The following NUDT13 variants were observed in gnomAD, a reference collection of about 807,000 sequenced individuals.
NUDT13 encodes the protein NAD(P)H pyrophosphatase NUDT13, mitochondrial.
Under a neutral mutation model 41.7 loss-of-function variants are expected in NUDT13, and 40 were observed. The observed-to-expected ratio is 0.96, with a 90% CI of 0.75 to 1.25. The LOEUF is 1.25. NUDT13 is among the 50% of genes most tolerant of loss of function. NUDT13 has a pLI of 0.00. For synonymous variants in NUDT13, 145 were observed against 155.5 expected (o/e 0.93, Z 0.50); for missense variants, 390 against 416.1 (o/e 0.94, Z 0.55).
intron 5 of NUDT13, 135 bp downstream of exon 5, chr10:73,124,455 AG>A (rs768062941): frequency 4.7e-6 from 3 of 633,616 alleles, no homozygotes; most frequent in Non-Finnish European, 8.4e-6. Context: ...AAACACTGGC[AG>A]GACAATGTGC....
At chr10:73,119,269 C>G (rs1842584532) in intron 2 of NUDT13, among the ~76,000 whole-genome samples, 1 of 152,226 alleles carries the variant, frequency 6.6e-6, no homozygotes, top group African/African-American at 2.4e-5. Flanking sequence ...TGGTCTCGAA[C>G]TCCTGACCTC....
intron 2 of NUDT13, among the ~76,000 whole-genome samples, chr10:73,117,416 G>T (rs894791279): frequency 4.0e-5 from 6 of 151,560 alleles, no homozygotes; most frequent in Non-Finnish European, 7.4e-5. Flanking sequence ...AATTAGCCAG[G>T]TGTGGTGGCG....
At position 73,126,968 on chromosome 10, in the gene NUDT13, G is replaced by A. The variant is rs1259600767; in HGVS notation, c.858+141G>A. 4 of 758,366 alleles carry A rather than the reference G, an allele frequency of 5.3e-6. No individual in the cohort carries two copies. The East Asian group carries it at 1.1e-4, about 20-fold the overall frequency. The allele number at this position is 758,366 out of a possible 1,614,324, so 47.0% of individuals were successfully genotyped here. On this transcript the variant is annotated intron_variant, in intron 8 of 8. Coordinates refer to ENST00000357321, the MANE Select transcript of NUDT13 (RefSeq NM_015901.6). ...TGTGTAAAATATGATTTAGGGCTGA[G>A]CACGGTGGCTCATGCCTGTAATCCC...
At chr10:73,122,619 TGGAG>T (rs1378239469) in intron 4 of NUDT13, among the ~76,000 whole-genome samples, 2 of 152,108 alleles carry the variant, frequency 1.3e-5, no homozygotes, top group Non-Finnish European at 2.9e-5. Flanking sequence ...TCACCCAGGC[TGGAG>T]TGCAGTGGTA....
At position 73,125,237 on chromosome 10, in the gene NUDT13, T is replaced by C. The variant is rs1842741745; in HGVS notation, c.585T>C (p.Tyr195=). 1.9e-6 allele frequency: 3 copies of C among 1,610,514 alleles called. No individual in the cohort carries two copies. The highest frequency in any genetic ancestry group is 2.5e-6 in the Non-Finnish European group (3 of 1,178,870). Residue 195 remains tyrosine, a synonymous_variant, in exon 6 of 9, where the codon TAT becomes TAC. Coordinates refer to ENST00000357321, the MANE Select transcript of NUDT13 (RefSeq NM_015901.6). ...RVCPSNNIIY[Y]PQMAPVAITL... The stretch of plus-strand genomic sequence containing the variant: ...GCCCTTCCAATAATATAATCTATTA[T>C]CCACAGGTAATTATTGCTGTAAGAG...
intron 5 of NUDT13, 57 bp from the exon 6 acceptor site, chr10:73,125,061 T>G: frequency 6.5e-7 from 1 of 1,549,354 alleles, no homozygotes. Context: ...CCAGTGCTGT[T>G]AAAGATGAGC....
chr10:73,113,992 A>C (rs1400857592), intron 1 of NUDT13, among the ~76,000 whole-genome samples: 1 of 152,208 alleles, frequency 6.6e-6, no homozygotes, highest in Non-Finnish European at 1.5e-5. Flanking sequence ...ATGAGCAACA[A>C]AAAAATAGAA....
chr10:73,125,622 T>C (rs923310567), intron 7 of NUDT13, 113 bp downstream of exon 7: 3 of 473,466 alleles, frequency 6.3e-6, no homozygotes, highest in South Asian at 4.8e-5. Flanking sequence ...TTCTTTTCTA[T>C]CATGTCAAGA....
Position 73,125,099 on chromosome 10 carries a change from C to T in NUDT13, c.466-19C>T. 1 of 1,597,990 alleles carries T rather than the reference C, an allele frequency of 6.3e-7. No individual in the cohort carries two copies. Among genetic ancestry groups the T allele is most frequent in the South Asian group, 1.1e-5 (1 of 90,048 alleles). ...CGCATTCTCTCCAAATGACACCAGG[C>T]CCATCATTGTGTTCCTAGGCTCAAG... is the stretch of plus-strand genomic sequence containing the variant. On this transcript the variant is annotated intron_variant, in intron 5 of 8. Coordinates refer to ENST00000357321, the MANE Select transcript of NUDT13 (RefSeq NM_015901.6).
Position 73,122,238 on chromosome 10 carries a change from T to A in NUDT13, c.287T>A (p.Ile96Asn), listed in dbSNP as rs149610037. The A allele has an allele frequency of 1.5e-5, 25 of 1,614,038 alleles. No homozygotes were observed. In the African/African-American group the frequency reaches 2.7e-4, roughly 17 times the overall value. The change falls in exon 4 of 9, where the codon ATT becomes AAT. Residue 96 changes from isoleucine to asparagine, a missense_variant. Ile to Asn is a moderately radical substitution (Grantham distance 149). Transcript: ENST00000357321. ...DAQRIEDSVLIGCSEQQEAWF... is the reference protein window; with the variant it reads ...DAQRIEDSVLNGCSEQQEAWF... The stretch of plus-strand genomic sequence containing the variant: ...CAAAGAATAGAAGATTCTGTGCTGA[T>A]TGGATGCTCTGAGCAGCAGGAAGCA...
chr10:73,125,619 C>A, intron 7 of NUDT13, 110 bp downstream of exon 7: 1 of 492,910 alleles, frequency 2.0e-6, no homozygotes, highest in African/African-American at 2.1e-5. Flanking sequence ...ACATTCTTTT[C>A]TATCATGTCA....
intron 8 of NUDT13, chr10:73,130,473 A>AATATAT: frequency 6.3e-6 from 1 of 157,536 alleles, no homozygotes; most frequent in Non-Finnish European, 1.3e-5. Context: ...AAAAAAAAAA[A>AATATAT]ATATATATAT....
chr10:73,116,744 A>G (rs1826480648), intron 2 of NUDT13, among the ~76,000 whole-genome samples: 1 of 152,134 alleles, frequency 6.6e-6, no homozygotes, highest in Non-Finnish European at 1.5e-5. Flanking sequence ...CCTGTCTCAA[A>G]GAAAAAAAAT....
intron 2 of NUDT13, 83 bp from the exon 3 acceptor site, chr10:73,119,935 G>A (rs1327392945): frequency 1.5e-6 from 2 of 1,344,702 alleles, no homozygotes; most frequent in African/African-American, 1.4e-5. Flanking sequence ...AGAGAGGGAT[G>A]CAGCGACAGC....
chr10:73,128,149 T>C (rs1842837108), intron 8 of NUDT13, among the ~76,000 whole-genome samples: 1 of 152,246 alleles, frequency 6.6e-6, no homozygotes, highest in South Asian at 2.1e-4. Context: ...TATTATAGTA[T>C]ATACCACATT....
At position 73,130,726 on chromosome 10, in the gene NUDT13, A is replaced by G. The variant is rs1484304388; in HGVS notation, c.882A>G (p.Leu294=). ...QTEIQVNLRE[L]ETAAWFSHDE... ...AGATCCAGGTGAACTTGAGAGAATT[A>G]GAGACAGCTGCCTGGTTCAGTCATG... Residue 294 remains leucine, a synonymous_variant, in exon 9 of 9, where the codon TTA becomes TTG. Coordinates refer to ENST00000357321, the MANE Select transcript of NUDT13 (RefSeq NM_015901.6). The G allele has an allele frequency of 1.2e-6, 2 of 1,613,806 alleles. No individual in the cohort carries two copies. Among genetic ancestry groups the G allele is most frequent in the South Asian group, 2.2e-5 (2 of 91,050 alleles).
chr10:73,124,086 GC>G (rs11355471), intron 4 of NUDT13, 127 bp from the exon 5 acceptor site: 75,559 of 637,162 alleles, frequency 0.12, 7,526 homozygotes, highest in African/African-American at 0.33. Flanking sequence ...ACAGGCACAC[GC>G]CCCCCACACC....
intron 2 of NUDT13, among the ~76,000 whole-genome samples, chr10:73,117,402 C>T (rs1279744149): frequency 6.6e-6 from 1 of 150,502 alleles, no homozygotes; most frequent in Non-Finnish European, 1.5e-5. Context: ...ATTAAAAATA[C>T]AAAAATTAGC....
At chr10:73,118,535 T>C (rs958813401) in intron 2 of NUDT13, among the ~76,000 whole-genome samples, 2 of 152,194 alleles carry the variant, frequency 1.3e-5, no homozygotes, top group Non-Finnish European at 2.9e-5. Flanking sequence ...CTGTCCCTGC[T>C]GATCACAAGG....
Sources: allele counts gnomAD v4.1 joint callset (sites outside exome capture counted in the v4.1 genomes callset), GRCh38; gene constraint gnomAD v4.1.1; transcripts MANE v1.5; gene names NCBI Gene and HGNC (gene_info 2026-07-23, HGNC 2026-07-21).